Variants in NBPF9 observed in about 807,000 individuals in gnomAD.
NBPF9 encodes NBPF family member NBPF9.
In NBPF9, 91 loss-of-function variants were observed where a neutral mutation model predicts 97.8. The observed-to-expected ratio is 0.93, with a 90% confidence interval of 0.79 to 1.11. The LOEUF (loss-of-function observed/expected upper bound fraction) is 1.11, where lower values mean the gene tolerates loss of function less well. Among genes scored for constraint, NBPF9 ranks in the 50% least tolerant of loss-of-function variants. The pLI is 0.00. For synonymous variants in NBPF9, 334 were observed against 359.5 expected (o/e 0.93, Z 0.80); for missense variants, 992 against 939.5 (o/e 1.06, Z -0.73).
intron 6 of NBPF9, 24 bp downstream of exon 6, chr1:149,082,248 G>A (rs1192899194): frequency 7.8e-7 from 1 of 1,282,748 alleles, no homozygotes; most frequent in African/African-American, 1.5e-5. Flanking sequence ...AGGACTGAGG[G>A]ATGTCAGTAA....
At chr1:149,080,601 G>C (rs1450956609) in intron 7 of NBPF9, among the ~76,000 whole-genome samples, 1 of 150,912 alleles carries the variant, frequency 6.6e-6, no homozygotes, top group Non-Finnish European at 1.5e-5. Flanking sequence ...AATATGTCAA[G>C]GACTTTAAAA....
In NBPF9 at chr1:149,064,709, C is replaced by T. The variant is rs587600887; in HGVS notation, c.1802-227G>A. 1.8e-4 allele frequency: 111 copies of T among 617,226 alleles called. No homozygotes were observed. In the African/African-American group the frequency reaches 1.8e-3, roughly 10 times the overall value. 38.2% of individuals were successfully genotyped at this position (617,226 alleles called of 1,614,324 possible). Reference sequence around the variant, plus strand: ...CCCCTGTGTTGGAATGTTATCTTCCCTATGTGCTCTGTCCTAGGTTTATGT... The same window carrying T: ...CCCCTGTGTTGGAATGTTATCTTCCTTATGTGCTCTGTCCTAGGTTTATGT... On this transcript the variant is annotated intron_variant, in intron 18 of 29. Coordinates refer to ENST00000584027, the Ensembl canonical transcript of NBPF9.
intron 14 of NBPF9, among the ~76,000 whole-genome samples, 153 bp downstream of exon 14, chr1:149,072,565 C>A (rs1183508917): frequency 6.6e-5 from 10 of 152,150 alleles, no homozygotes; most frequent in Admixed American, 5.9e-4. Flanking sequence ...TTTCCCATCT[C>A]CGTTCTTACC....
At chr1:149,067,622 C>T (rs1449354604) in intron 17 of NBPF9, among the ~76,000 whole-genome samples, 1 of 151,036 alleles carries the variant, frequency 6.6e-6, no homozygotes, top group African/African-American at 2.5e-5. Flanking sequence ...CATCCATGTC[C>T]CTACAAAGGA....
intron 5 of NBPF9, among the ~76,000 whole-genome samples, chr1:149,089,103 C>T (rs1412314677): frequency 8.5e-5 from 13 of 152,078 alleles, no homozygotes; most frequent in African/African-American, 3.1e-4. Context: ...CTGTCCTCTA[C>T]TCTTCCAGAA....
chr1:149,074,149 AG>A (rs2079649585), intron 12 of NBPF9, among the ~76,000 whole-genome samples: 1 of 151,368 alleles, frequency 6.6e-6, no homozygotes, highest in Admixed American at 6.6e-5. Flanking sequence ...ACAGTCCCTG[AG>A]GTCTGACTCT....
intron 5 of NBPF9, among the ~76,000 whole-genome samples, chr1:149,084,505 G>A (rs1438556970): frequency 6.8e-6 from 1 of 147,924 alleles, no homozygotes; most frequent in Non-Finnish European, 1.5e-5. Flanking sequence ...TGGCGAGGAG[G>A]ACAGCACCTG....
chr1:149,084,807 A>G (rs1345337136), intron 5 of NBPF9, among the ~76,000 whole-genome samples: 1 of 149,366 alleles, frequency 6.7e-6, no homozygotes, highest in East Asian at 2.5e-4. Flanking sequence ...GGCCAGAAAT[A>G]TACTGTGGTC....
intron 24 of NBPF9, 183 bp downstream of exon 24, chr1:149,060,340 A>T: frequency 2.2e-6 from 1 of 462,464 alleles, no homozygotes; most frequent in South Asian, 2.4e-5. Flanking sequence ...AGTCTTGCCC[A>T]CTGACCCATC....
intron 5 of NBPF9, among the ~76,000 whole-genome samples, chr1:149,089,640 G>A (rs1268074626): frequency 6.6e-6 from 1 of 152,312 alleles, no homozygotes; most frequent in African/African-American, 2.4e-5. Flanking sequence ...AATAACGCTA[G>A]GTGACACTAA....
rs1301306087 is a variant in NBPF9 at position 149,058,063 on chromosome 1, T to C, written c.2810+101A>G. On this transcript the variant is annotated intron_variant, in intron 27 of 29. Transcript: ENST00000584027. ...GTTAGTAGGAATAATTCAGGCTTGC[T>C]TGAAAAGATGTAATCGATAATGTCA... 4 of 367,674 alleles carry C rather than the reference T, an allele frequency of 1.1e-5. 1 individual carries two copies. In the African/African-American group the frequency reaches 1.3e-4, roughly 12 times the overall value. 22.8% of individuals were successfully genotyped at this position (367,674 alleles called of 1,614,324 possible). A position where few individuals can be genotyped will look rare whatever the true frequency, so the allele number is the denominator to read the frequency against.
Position 149,073,037 on chromosome 1 carries a change from A to T in NBPF9, c.1092-105T>A, listed in dbSNP as rs1553653353. ...AACAGTGTCCTCAAGGAGACCTCGA[A>T]GCAGAAGGTCAGCACATGTTTAAAG... On this transcript the variant is annotated intron_variant, in intron 13 of 29. Coordinates refer to ENST00000584027, the Ensembl canonical transcript of NBPF9. 1.2e-5 allele frequency: 15 copies of T among 1,206,850 alleles called. 1 individual carries two copies. The highest frequency in any genetic ancestry group is 1.6e-5 in the Non-Finnish European group (13 of 811,464). The allele number at this position is 1,206,850 out of a possible 1,614,324, so 74.8% of individuals were successfully genotyped here. A position where few individuals can be genotyped will look rare whatever the true frequency, so the allele number is the denominator to read the frequency against.
chr1:149,101,902 G>A (rs1553663401), intron 2 of NBPF9, among the ~76,000 whole-genome samples: 1 of 144,312 alleles, frequency 6.9e-6, no homozygotes, highest in Non-Finnish European at 1.5e-5. Context: ...TGGTTCACTT[G>A]GTAAAAATTC....
chr1:149,053,828 T>C (rs2078041280), downstream of NBPF9, among the ~76,000 whole-genome samples: 1 of 147,560 alleles, frequency 6.8e-6, no homozygotes, highest in Admixed American at 6.7e-5. Flanking sequence ...ATCAAAAACA[T>C]TTTTAGTGCA....
At chr1:149,055,808 G>A in exon 30 of NBPF9, 1 of 1,610,814 alleles carries the variant, frequency 6.2e-7, no homozygotes, top group Non-Finnish European at 8.5e-7. Context: ...GAGTCAGGTA[G>A]TTCAAAGTAC....
intron 5 of NBPF9, among the ~76,000 whole-genome samples, chr1:149,085,122 A>G (rs2080882895): frequency 6.6e-6 from 1 of 151,886 alleles, no homozygotes; most frequent in Non-Finnish European, 1.5e-5. Context: ...CACACACCTT[A>G]TTGCTGCCAA....
intron 4 of NBPF9, among the ~76,000 whole-genome samples, chr1:149,095,280 A>G (rs1325693772): frequency 2.6e-5 from 4 of 151,118 alleles, no homozygotes; most frequent in African/African-American, 9.7e-5. Flanking sequence ...AAAAAAATAA[A>G]TAAATCCAGG....
chr1:149,071,918 A>G (rs782015833), intron 14 of NBPF9, among the ~76,000 whole-genome samples: 33 of 151,734 alleles, frequency 2.2e-4, no homozygotes, highest in Non-Finnish European at 4.1e-4. Flanking sequence ...TTCGCTTCCC[A>G]TATCACTGGA....
intron 16 of NBPF9, among the ~76,000 whole-genome samples, chr1:149,070,251 G>A (rs2079292258): frequency 6.7e-6 from 1 of 149,954 alleles, no homozygotes; most frequent in Non-Finnish European, 1.5e-5. Flanking sequence ...AATCTGGGAG[G>A]CAGAGGTTGC....
Sources: gnomAD v4.1 joint callset for allele counts (sites outside exome capture counted in the v4.1 genomes callset) on GRCh38, gnomAD v4.1.1 for gene constraint, MANE v1.5 for transcripts, NCBI Gene and HGNC (gene_info 2026-07-23, HGNC 2026-07-21) for gene names.